Variants in HCFC1 observed in about 807,000 individuals in gnomAD.
The protein encoded by HCFC1 is host cell factor C1.
A neutral mutation model predicts 105.5 loss-of-function variants in HCFC1; 7 were observed. That is an observed-to-expected ratio of 0.07 (90% CI 0.04 to 0.12). HCFC1 has a LOEUF of 0.12. Ranked by LOEUF, HCFC1 falls within the 10% of genes least tolerant of loss-of-function variation. The pLI is 1.00. For synonymous variants in HCFC1, 918 were observed against 828.1 expected, an observed-to-expected ratio of 1.11 and a Z score of -1.86; for missense variants, 1,065 against 1,823.6, an observed-to-expected ratio of 0.58 and a Z score of 7.58.
Position 153,955,244 on chromosome X carries a change from C to G in HCFC1, c.3155G>C (p.Arg1052Thr), listed in dbSNP as rs2065363684. 1 of 1,211,372 alleles carries G rather than the reference C, an allele frequency of 8.3e-7. No individual in the cohort carries two copies. The highest frequency in any genetic ancestry group is 1.1e-6 in the Non-Finnish European group (1 of 895,353). The change falls in exon 17 of 26, where the codon AGA becomes ACA. Residue 1052 changes from arginine (R) to threonine (T), a missense_variant. This residue lies in a region of HCFC1 where 546 missense variants were observed against 599.9 expected (regional missense o/e 0.91). Coordinates refer to ENST00000310441, the MANE Select transcript of HCFC1 (RefSeq NM_005334.3). ...CACAAGAGAAGCAGCTGCCTCCTGT[C>G]TGTCACAGACGAACTGCACTTGGGT... ...QPTQVQFVCD[R>T]QEAAASLVTS...
In HCFC1 at chrX:153,952,614, C is replaced by A; in HGVS notation, c.4842G>T (p.Val1614=). ...GGGCAGCTGCTTCTGCAGCAGCCGT[C>A]ACTGCCAGCTCCTCGGGGGTGAGCC... ...VTGLTPEELA[V]TAAAEAAAQA... The change falls in exon 19 of 26, where the codon GTG becomes GTT. Residue 1614 remains valine (V), a synonymous_variant. Transcript: ENST00000310441. 8.3e-7 allele frequency: 1 copy of A among 1,210,011 alleles called. No homozygotes were observed. The highest frequency in any genetic ancestry group is 3.0e-5 in the East Asian group (1 of 33,824).
chrX:153,960,142 G>C lies in HCFC1; in HGVS notation c.1104C>G (p.Ala368=), dbSNP rs782648100. 6 of 1,208,735 alleles carry C rather than the reference G, an allele frequency of 5.0e-6. 1 individual carries two copies. In the Admixed American group the frequency reaches 1.3e-4, roughly 26 times the overall value. Residue 368 remains alanine (A), a synonymous_variant, in exon 8 of 26, where the codon GCC becomes GCG. Coordinates refer to ENST00000310441, the MANE Select transcript of HCFC1 (RefSeq NM_005334.3). ...YLETEKPPPP[A]RVQLVRANTN... ...TGTTGGCGCGTACCAGTTGTACTCG[G>C]GCTGGGGGTGGTGGCTTTTCTGTGG...
At position 153,953,681 on chromosome X, in the gene HCFC1, T is replaced by C. The variant is rs2065338418; in HGVS notation, c.4423A>G (p.Thr1475Ala). ...GCCCGCGTCAGTGTGGAGGACACGG[T>C]TGTCGTGATGGCACTGGAGCTGGTG... is the stretch of plus-strand genomic sequence containing the variant. ...NITSSSAITT[T>A]VSSTLTRAVT... Residue 1475 changes from threonine (T) to alanine (A), a missense_variant, in exon 18 of 26, where the codon ACC becomes GCC. Physicochemically the swap from Thr to Ala is moderately conservative, Grantham distance 58. Around this residue, in one of 17 missense-constraint regions of HCFC1, gnomAD observed 546 missense variants for 599.9 expected, o/e 0.91. Coordinates refer to ENST00000310441, the MANE Select transcript of HCFC1 (RefSeq NM_005334.3). The C allele has an allele frequency of 7.4e-6, 9 of 1,210,119 alleles. No homozygotes were observed. Among genetic ancestry groups the C allele is most frequent in the South Asian group, 1.8e-5 (1 of 56,924 alleles).
chrX:153,962,993 C>T (rs1279940722), intron 4 of HCFC1, among the ~76,000 whole-genome samples: 3 of 112,078 alleles, frequency 2.7e-5, no homozygotes, highest in Non-Finnish European at 3.8e-5. Flanking sequence ...CTTATAAGCC[C>T]GCAGACCAAT....
Position 153,958,617 on chromosome X carries a change from G to A in HCFC1, c.1755C>T (p.Gly585=). The part of the protein sequence containing the change: ...TIVKTMAVTP[G]TTTLPATVKV... ...TCACAGTGGCTGGGAGGGTGGTAGTGCCAGGTGTCACAGCCATGGTCTTCA... is the reference window on the plus strand; with the variant it reads ...TCACAGTGGCTGGGAGGGTGGTAGTACCAGGTGTCACAGCCATGGTCTTCA... Residue 585 remains glycine (G), a synonymous_variant, in exon 10 of 26, where the codon GGC becomes GGT. Coordinates refer to ENST00000310441, the MANE Select transcript of HCFC1 (RefSeq NM_005334.3). 1 of 1,209,161 alleles carries A rather than the reference G, an allele frequency of 8.3e-7. No homozygotes were observed. The highest frequency in any genetic ancestry group is 1.8e-5 in the South Asian group (1 of 56,644).
rs782309363 is a variant in HCFC1, at chrX:153,960,380, T to C, written c.939A>G (p.Thr313=). Residue 313 remains threonine, a synonymous_variant, in exon 7 of 26, where the codon ACA becomes ACG. Transcript: ENST00000310441. ...GAGCACGGGGGATGTTGTCCTCCAG[T>C]GTATCCATCAGGATGGTCTCCCAGG... is the stretch of plus-strand genomic sequence containing the variant. ...TMAWETILMD[T]LEDNIPRARA... 3.3e-6 allele frequency: 4 copies of C among 1,204,903 alleles called. No individual in the cohort carries two copies. The highest frequency in any genetic ancestry group is 4.4e-5 in the Admixed American group (2 of 45,530).
Position 153,954,697 on chromosome X carries a change from G to C in HCFC1, c.3702C>G (p.Ser1234Arg). Residue 1234 changes from serine (S) to arginine (R), a missense_variant, in exon 17 of 26, where the codon AGC (serine) becomes AGG (arginine). Physicochemically the swap from Ser to Arg is moderately radical, Grantham distance 110 (BLOSUM62 -1). Around this residue, in one of 17 missense-constraint regions of HCFC1, gnomAD observed 546 missense variants for 599.9 expected, o/e 0.91. Transcript: ENST00000310441. ...SIKDLPAGRHSHAVSTAAMTR... is the reference protein window; with the variant it reads ...SIKDLPAGRHRHAVSTAAMTR... Reference sequence around the variant, plus strand: ...TCATGGCAGCGGTGCTGACCGCATGGCTGTGGCGCCCCGCAGGAAGGTCCT... The same window carrying C: ...TCATGGCAGCGGTGCTGACCGCATGCCTGTGGCGCCCCGCAGGAAGGTCCT... The C allele has an allele frequency of 8.3e-7, 1 of 1,201,138 alleles. No homozygotes were observed. The highest frequency in any genetic ancestry group is 1.1e-6 in the Non-Finnish European group (1 of 890,444).
chrX:153,958,836 C>T lies in HCFC1; in HGVS notation c.1606-70G>A, dbSNP rs782030837. The T allele has an allele frequency of 9.1e-4, 769 of 843,169 alleles. 1 individual carries two copies. Among genetic ancestry groups the T allele is most frequent in the Middle Eastern group, 2.7e-3 (6 of 2,213 alleles). The allele number at this position is 843,169 out of a possible 1,213,427, so 69.5% of individuals were successfully genotyped here. A position where few individuals can be genotyped will look rare whatever the true frequency, so the allele number is the denominator to read the frequency against. ...CACCTCCCTGCTTGGTGGACCTCAC[C>T]GGAACCTGCCCAGGGGCTGCCCTGC... On this transcript the variant is annotated intron_variant, in intron 9 of 25. Coordinates refer to ENST00000310441, the MANE Select transcript of HCFC1 (RefSeq NM_005334.3).
chrX:153,956,784 G>A (rs1184826741), intron 14 of HCFC1, 21 bp from the exon 15 acceptor site: 20 of 1,208,069 alleles, frequency 1.7e-5, no homozygotes, highest in Non-Finnish European at 2.2e-5. Context: ...AGAGGAAAGT[G>A]CCACCAACGT....
At position 153,954,398 on chromosome X, in the gene HCFC1, G is replaced by A. The variant is rs782370052; in HGVS notation, c.4001C>T (p.Thr1334Ile). 1.4e-5 allele frequency: 17 copies of A among 1,211,024 alleles called. No homozygotes were observed. Among genetic ancestry groups the A allele is most frequent in the Non-Finnish European group, 1.9e-5 (17 of 894,978 alleles). ...THETGTTHTA[T>I]TATSNGGTGQ... ...CGTGCCCCCGTTTGAAGTAGCGGTG[G>A]TGGCCGTGTGGGTGGTGCCCGTCTC... Residue 1334 changes from threonine to isoleucine, a missense_variant, in exon 17 of 26, where the codon ACC (threonine) becomes ATC (isoleucine). Transcript: ENST00000310441.
In HCFC1 at chrX:153,951,719, G is replaced by T; in HGVS notation, c.5261-12C>A. ...GGATGGAGCCAGGCCTAGGAAGAAA[G>T]AAGGTGTCAGCGGGAAAGACTCGGG... On this transcript the variant is annotated splice_polypyrimidine_tract_variant and intron_variant, in intron 20 of 25. Transcript: ENST00000310441. 1 of 1,197,878 alleles carries T rather than the reference G, an allele frequency of 8.3e-7. No individual in the cohort carries two copies. The highest frequency in any genetic ancestry group is 1.1e-6 in the Non-Finnish European group (1 of 887,605).
intron 6 of HCFC1, among the ~76,000 whole-genome samples, chrX:153,961,148 G>A (rs1237722128): frequency 5.3e-5 from 6 of 112,661 alleles, no homozygotes; most frequent in South Asian, 3.6e-4. Context: ...AAGGCCAGGT[G>A]TGGCACTGCG....
chrX:153,958,108 C>T lies in HCFC1; in HGVS notation c.1945G>A (p.Val649Met). 1 of 1,211,998 alleles carries T rather than the reference C, an allele frequency of 8.3e-7. No homozygotes were observed. Among genetic ancestry groups the T allele is most frequent in the Non-Finnish European group, 1.1e-6 (1 of 895,413 alleles). ...ACCCCGCCCACAACTGTGGTCACCA[C>T]CTGGGCTTGCTGGGCCACTGTCACA... ...GTVTVAQQAQ[V>M]VTTVVGGVTK... Residue 649 changes from valine (V) to methionine (M), a missense_variant, in exon 11 of 26, where the codon GTG (valine) becomes ATG (methionine). This residue lies in a region of HCFC1 where 137 missense variants were observed against 378.2 expected (regional missense o/e 0.36). Coordinates refer to ENST00000310441, the MANE Select transcript of HCFC1 (RefSeq NM_005334.3).
chrX:153,954,469 T>A lies in HCFC1; in HGVS notation c.3930A>T (p.Ala1310=), dbSNP rs200399318. 139 of 1,208,635 alleles carry A rather than the reference T, an allele frequency of 1.2e-4. No individual in the cohort carries two copies. The African/African-American group carries it at 2.1e-3, about 18-fold the overall frequency. ...GTTNTATTSN[A]GSAQRVCSNP... ...TGGAGCACACCCTCTGGGCGCTGCCTGCATTCGAGGTAGTGGCGGTGTTGG... is the reference window on the plus strand; with the variant it reads ...TGGAGCACACCCTCTGGGCGCTGCCAGCATTCGAGGTAGTGGCGGTGTTGG... Residue 1310 remains alanine, a synonymous_variant, in exon 17 of 26, where the codon GCA becomes GCT. Coordinates refer to ENST00000310441, the MANE Select transcript of HCFC1 (RefSeq NM_005334.3).
Position 153,953,720 on chromosome X carries a change from C to T in HCFC1, c.4384G>A (p.Asp1462Asn). The T allele has an allele frequency of 8.3e-7, 1 of 1,210,386 alleles. No homozygotes were observed. Among genetic ancestry groups the T allele is most frequent in the Non-Finnish European group, 1.1e-6 (1 of 894,972 alleles). ...CTGGAGCTGGTGATGTTCACGCTGT[C>T]GCCCTGGGTGCTCTCCACCTCTCCC... ...DQGEVESTQG[D>N]SVNITSSSAI... The change falls in exon 18 of 26, where the codon GAC becomes AAC. Residue 1462 changes from aspartate to asparagine, a missense_variant. Asp to Asn is a conservative substitution (Grantham distance 23). This residue lies in a region of HCFC1 where 546 missense variants were observed against 599.9 expected (regional missense o/e 0.91). Coordinates refer to ENST00000310441, the MANE Select transcript of HCFC1 (RefSeq NM_005334.3).
intron 1 of HCFC1, among the ~76,000 whole-genome samples, chrX:153,966,541 C>T (rs2065475276): frequency 1.8e-5 from 2 of 112,886 alleles, no homozygotes; most frequent in Admixed American, 9.3e-5. Context: ...GGCCAACAGC[C>T]TTGCGCACTG....
rs2065399797 is a variant in HCFC1, at chrX:153,958,560, G to A, written c.1803+9C>T. 1 of 1,181,264 alleles carries A rather than the reference G, an allele frequency of 8.5e-7. No individual in the cohort carries two copies. The highest frequency in any genetic ancestry group is 1.1e-6 in the Non-Finnish European group (1 of 876,160). ...TTGACCACAGTGACAAGCCCCGGAA[G>A]ACGCTCACCATGACTGGCGAGGAGG... On this transcript the variant is annotated intron_variant, in intron 10 of 25. Coordinates refer to ENST00000310441, the MANE Select transcript of HCFC1 (RefSeq NM_005334.3).
intron 18 of HCFC1, among the ~76,000 whole-genome samples, 183 bp downstream of exon 18, chrX:153,953,424 C>T (rs928268264): frequency 8.9e-6 from 1 of 112,266 alleles, no homozygotes; most frequent in African/African-American, 3.2e-5. Flanking sequence ...CCCAGAGATG[C>T]GGGGGACGGT....
At chrX:153,953,073 A>C in intron 18 of HCFC1, 115 bp from the exon 19 acceptor site, 1 of 603,333 alleles carries the variant, frequency 1.7e-6, no homozygotes, top group Non-Finnish European at 2.8e-6. Context: ...GGGCAGTCTC[A>C]GTCATTGATG....
Sources: gnomAD v4.1 joint callset for allele counts (sites outside exome capture counted in the v4.1 genomes callset) on GRCh38, gnomAD v4.1.1 for gene constraint, gnomAD v4.1.1 regional missense constraint, MANE v1.5 for transcripts, NCBI Gene and HGNC (gene_info 2026-07-23, HGNC 2026-07-21) for gene names.